ZBBX: variants seen among roughly 807,000 people sequenced by gnomAD.
The protein encoded by ZBBX is zinc finger B-box domain containing.
A neutral mutation model predicts 108.5 loss-of-function variants in ZBBX; 101 were observed. The ratio of observed to expected loss-of-function variants is 0.93; its 90% confidence interval spans 0.79 to 1.10. The LOEUF (loss-of-function observed/expected upper bound fraction) is 1.10. Ranked by LOEUF, ZBBX falls within the 50% of genes least tolerant of loss-of-function variation. ZBBX has a pLI of 0.00. For missense variants in ZBBX, 1,009 were observed against 941.4 expected (o/e 1.07, Z -0.94); for synonymous variants, 356 against 323.4 (o/e 1.10, Z -1.08).
intron 4 of ZBBX, among the ~76,000 whole-genome samples, chr3:167,372,209 T>TA (rs201747936): frequency 0.23 from 33,540 of 147,242 alleles, 4,647 homozygotes; most frequent in Non-Finnish European, 0.31. Flanking sequence ...AGACTTCGTC[T>TA]AAAAAAAAAA....
intron 20 of ZBBX, among the ~76,000 whole-genome samples, chr3:167,270,484 C>T (rs1403132782): frequency 7.2e-5 from 11 of 152,182 alleles, no homozygotes; most frequent in African/African-American, 1.2e-4. Flanking sequence ...GTTTTAGCTT[C>T]GCCTTCTCTA....
In ZBBX at chr3:167,367,968, G is replaced by GTATATATATA. The variant is rs927024323; in HGVS notation, c.182+483_182+492dup. Reference sequence around the variant, plus strand: ...TTTGAGCAATTCTGATTATATATATGTATATATATATATATATATACATAT... The same window carrying GTATATATATA: ...TTTGAGCAATTCTGATTATATATATGTATATATATATATATATATATATATATATACATAT... On this transcript the variant is annotated intron_variant, in intron 5 of 21. Transcript: ENST00000675490. 1.8e-4 allele frequency among the ~76,000 whole-genome samples: 4 copies of GTATATATATA among 21,906 alleles called. No individual in the cohort carries two copies. The East Asian group carries it at 4.6e-3, about 25-fold the overall frequency. The allele number at this position is 21,906 out of a possible 152,430, so 14.4% of individuals were successfully genotyped here.
Position 167,325,261 on chromosome 3 carries a change from G to A in ZBBX, c.862+2681C>T, listed in dbSNP as rs574728157. Among the ~76,000 whole-genome samples the A allele has an allele frequency of 6.8e-4, 104 of 152,238 alleles. 1 individual carries two copies. The South Asian group carries it at 0.021, about 31-fold the overall frequency. On this transcript the variant is annotated intron_variant, in intron 11 of 21. Transcript: ENST00000675490. ...GAGACTGGGTCATTTATAAAGGAAA[G>A]AGGTTTAATTGATTCATAGTTCCAC... is the stretch of plus-strand genomic sequence containing the variant.
the ZBBX span, among the ~76,000 whole-genome samples, chr3:167,192,283 G>A: frequency 1.1e-4 from 17 of 151,924 alleles, no homozygotes; most frequent in Non-Finnish European, 1.5e-4. Flanking sequence ...TTGAAGAGTC[G>A]CCTTTAGCAT....
chr3:167,348,485 GAA>G lies in ZBBX; in HGVS notation c.528+1933_528+1934del, dbSNP rs201332822. ...AAAGAAAGAAAGAGAGAGAAGGAAA[GAA>G]AGAGAGGAAATTGTGATGTAATGTG... On this transcript the variant is annotated intron_variant, in intron 9 of 21. Coordinates refer to ENST00000675490, the MANE Select transcript of ZBBX (RefSeq NM_001199201.2). 2.3e-3 allele frequency among the ~76,000 whole-genome samples: 351 copies of G among 151,606 alleles called. 2 individuals are homozygous for G. Among genetic ancestry groups the G allele is most frequent in the African/African-American group, 7.1e-3 (293 of 41,420 alleles).
intron 8 of ZBBX, among the ~76,000 whole-genome samples, chr3:167,356,478 T>C (rs886694845): frequency 2.0e-5 from 3 of 152,132 alleles, no homozygotes; most frequent in African/African-American, 7.2e-5. Flanking sequence ...CTAAGTTCTC[T>C]AAAACTGTAA....
chr3:167,344,718 C>T (rs1283900085), intron 9 of ZBBX, among the ~76,000 whole-genome samples: 1 of 151,682 alleles, frequency 6.6e-6, no homozygotes, highest in Non-Finnish European at 1.5e-5. Flanking sequence ...CCTTACTTTC[C>T]ACCAGAGCCA....
At chr3:167,238,156 C>T (rs1168800881), downstream of ZBBX, among the ~76,000 whole-genome samples, 8 of 151,894 alleles carry the variant, frequency 5.3e-5, no homozygotes, top group East Asian at 1.9e-4. Flanking sequence ...TGTTAAAAGA[C>T]GAACAGTAAT....
intron 20 of ZBBX, among the ~76,000 whole-genome samples, chr3:167,267,957 C>G (rs914224361): frequency 1.2e-4 from 19 of 152,092 alleles, no homozygotes; most frequent in African/African-American, 4.6e-4. Flanking sequence ...GTTATTCCTC[C>G]TCCTTATAAT....
chr3:167,217,891 A>ATT, the ZBBX span, among the ~76,000 whole-genome samples: 900 of 141,854 alleles, frequency 6.3e-3, 6 homozygotes, highest in African/African-American at 0.013. Flanking sequence ...TGTTCTCACT[A>ATT]TTTTTTTTTT....
At chr3:167,267,495 A>T (rs1725743489) in intron 20 of ZBBX, among the ~76,000 whole-genome samples, 4 of 152,196 alleles carry the variant, frequency 2.6e-5, no homozygotes, top group Non-Finnish European at 5.9e-5. Flanking sequence ...TCCCCCAGAT[A>T]GTCCCCTAGG....
chr3:167,242,595 A>C lies in ZBBX; in HGVS notation c.2303T>G (p.Phe768Cys). 6.2e-7 allele frequency: 1 copy of C among 1,613,794 alleles called. No homozygotes were observed. The highest frequency in any genetic ancestry group is 8.5e-7 in the Non-Finnish European group (1 of 1,179,860). The change falls in exon 21 of 22, where the codon TTC (phenylalanine) becomes TGC (cysteine). Residue 768 changes from phenylalanine to cysteine, a missense_variant. Physicochemically the swap from Phe to Cys is radical, Grantham distance 205. Transcript: ENST00000675490. ...ACTTATATTCAGTGATTGGCTGCTG[A>C]AATCTGGGAACTCTTCTGAGGTTAA... ...YSLTSEEFPD[F>C]SSQSLNISQI... is the part of the protein sequence containing the mutation.
chr3:167,269,607 C>G (rs898878106), intron 20 of ZBBX, among the ~76,000 whole-genome samples: 1 of 152,148 alleles, frequency 6.6e-6, no homozygotes, highest in Non-Finnish European at 1.5e-5. Flanking sequence ...ATTCTCTATT[C>G]CTTCAGAAGG....
intron 1 of ZBBX, among the ~76,000 whole-genome samples, chr3:167,403,368 A>G (rs1368477138): frequency 6.6e-6 from 1 of 152,192 alleles, no homozygotes; most frequent in Non-Finnish European, 1.5e-5. Context: ...CAGATAAATG[A>G]ATAAATAATA....
At chr3:167,402,721 G>A (rs1325144152) in intron 1 of ZBBX, among the ~76,000 whole-genome samples, 1 of 150,998 alleles carries the variant, frequency 6.6e-6, no homozygotes, top group African/African-American at 2.4e-5. Context: ...AATCTCAGCA[G>A]AGAATAAAAT....
rs1393250127 is a variant in ZBBX at position 167,365,789 on chromosome 3, AAGAGT to A, written c.273+92_273+96del. The A allele has an allele frequency of 1.1e-5, 7 of 625,004 alleles. No individual in the cohort carries two copies. In the East Asian group the frequency reaches 2.3e-4, roughly 20 times the overall value. 38.7% of individuals were successfully genotyped at this position (625,004 alleles called of 1,614,324 possible). On this transcript the variant is annotated intron_variant, in intron 6 of 21. Transcript: ENST00000675490. Reference sequence around the variant, plus strand: ...TAATATGCAAAGTTGTTAAAATAAGAAGAGTATATTCCTGAGTATAGAAGAAAATG... The same window carrying A: ...TAATATGCAAAGTTGTTAAAATAAGAATATTCCTGAGTATAGAAGAAAATG...
At chr3:167,349,318 A>C (rs1312647691) in intron 9 of ZBBX, among the ~76,000 whole-genome samples, 1 of 152,092 alleles carries the variant, frequency 6.6e-6, no homozygotes, top group Non-Finnish European at 1.5e-5. Context: ...TATATTAACA[A>C]TTAGACTCAC....
rs201280383 is a variant in ZBBX at position 167,328,045 on chromosome 3, G to C, written c.759C>G (p.Phe253Leu). The change falls in exon 11 of 22, where the codon TTC becomes TTG. Residue 253 changes from phenylalanine to leucine, a missense_variant. By Grantham distance (22) the Phe-to-Leu change is conservative. Coordinates refer to ENST00000675490, the MANE Select transcript of ZBBX (RefSeq NM_001199201.2). The part of the protein sequence containing the change: ...PRKSLLCEGS[F>L]DEEASAQSFQ... ...AGGACTGTGCAGAAGCTTCTTCATCGAATGACCCTTCACACAACAGACTCT... is the reference window on the plus strand; with the variant it reads ...AGGACTGTGCAGAAGCTTCTTCATCCAATGACCCTTCACACAACAGACTCT... 1 of 1,613,090 alleles carries C rather than the reference G, an allele frequency of 6.2e-7. No individual in the cohort carries two copies. The highest frequency in any genetic ancestry group is 8.5e-7 in the Non-Finnish European group (1 of 1,179,784).
intron 18 of ZBBX, among the ~76,000 whole-genome samples, chr3:167,296,915 C>A (rs1731783960): frequency 6.6e-6 from 1 of 151,734 alleles, no homozygotes; most frequent in African/African-American, 2.4e-5. Flanking sequence ...CCTGAATAGC[C>A]AAAACAATAT....
Sources: allele counts gnomAD v4.1 joint callset (sites outside exome capture counted in the v4.1 genomes callset), GRCh38; gene constraint gnomAD v4.1.1; transcripts MANE v1.5; gene names NCBI Gene and HGNC (gene_info 2026-07-23, HGNC 2026-07-21).